PLXNC1: variants seen among roughly 807,000 people sequenced by gnomAD.
PLXNC1 encodes the protein plexin C1.
PLXNC1 carries 75 observed loss-of-function variants against 178.2 expected under a neutral mutation model. The ratio of observed to expected loss-of-function variants is 0.42; its 90% confidence interval spans 0.35 to 0.51. PLXNC1 has a LOEUF of 0.51. Ranked by LOEUF, PLXNC1 falls within the 20% of genes least tolerant of loss-of-function variation. The pLI is 0.02. For missense variants in PLXNC1, 1,503 were observed against 1,984.4 expected (o/e 0.76, Z 4.61); for synonymous variants, 790 against 779.9 (o/e 1.01, Z -0.22).
intron 23 of PLXNC1, among the ~76,000 whole-genome samples, chr12:94,293,400 T>C (rs1967564856): frequency 6.6e-6 from 1 of 152,224 alleles, no homozygotes; most frequent in South Asian, 2.1e-4. Context: ...CATTTCTTAA[T>C]AGAGTAGTGT....
chr12:94,192,989 C>A (rs746881338), intron 4 of PLXNC1, among the ~76,000 whole-genome samples: 1 of 152,164 alleles, frequency 6.6e-6, no homozygotes, highest in African/African-American at 2.4e-5. Flanking sequence ...AATTATCTAA[C>A]CCAAACTTAA....
intron 2 of PLXNC1, among the ~76,000 whole-genome samples, chr12:94,177,036 T>C (rs1962073730): frequency 6.7e-6 from 1 of 149,234 alleles, no homozygotes; most frequent in Admixed American, 6.7e-5. Context: ...ACAATGAATA[T>C]ATGTCATTTC....
rs1264223143 is a variant in PLXNC1 at position 94,305,570 on chromosome 12, T to C, written c.*285T>C. On this transcript the variant is annotated 3_prime_UTR_variant, in exon 31 of 31. Transcript: ENST00000258526. ...CAAGGCCAGTAAGCGAATGTCAGTATTGTAACTACAGTCTCCACTTAAGCA... is the reference window on the plus strand; with the variant it reads ...CAAGGCCAGTAAGCGAATGTCAGTACTGTAACTACAGTCTCCACTTAAGCA... The C allele has an allele frequency of 3.0e-6, 1 of 336,542 alleles. No individual in the cohort carries two copies. The highest frequency in any genetic ancestry group is 2.1e-5 in the African/African-American group (1 of 47,742). 20.8% of individuals were successfully genotyped at this position (336,542 alleles called of 1,614,324 possible).
At chr12:94,251,924 C>G (rs561136713) in intron 15 of PLXNC1, among the ~76,000 whole-genome samples, 1 of 150,972 alleles carries the variant, frequency 6.6e-6, no homozygotes, top group Non-Finnish European at 1.5e-5. Context: ...ACCCGGGAGG[C>G]GGAGGTTGCA....
At chr12:94,171,483 A>C (rs1961842868) in intron 2 of PLXNC1, among the ~76,000 whole-genome samples, 1 of 152,086 alleles carries the variant, frequency 6.6e-6, no homozygotes, top group Non-Finnish European at 1.5e-5. Context: ...CATTTTACAG[A>C]TGAGGGAATC....
At chr12:94,151,313 G>A in intron 1 of PLXNC1, among the ~76,000 whole-genome samples, 1 of 151,994 alleles carries the variant, frequency 6.6e-6, no homozygotes, top group East Asian at 1.9e-4. Flanking sequence ...TTAGCCCTAT[G>A]AGCCAGGGAG....
At chr12:94,162,763 A>G (rs568912375) in intron 1 of PLXNC1, among the ~76,000 whole-genome samples, 27 of 152,300 alleles carry the variant, frequency 1.8e-4, no homozygotes, top group African/African-American at 6.3e-4. Flanking sequence ...GCTGTTGACC[A>G]TGATGGGTAG....
At chr12:94,271,591 G>A (rs1036433972) in intron 21 of PLXNC1, among the ~76,000 whole-genome samples, 6 of 152,168 alleles carry the variant, frequency 3.9e-5, no homozygotes, top group African/African-American at 1.4e-4. Context: ...ACTTTACTCT[G>A]GGCAAGTCTC....
chr12:94,243,261 G>A (rs543548269), intron 11 of PLXNC1, among the ~76,000 whole-genome samples: 23 of 152,360 alleles, frequency 1.5e-4, no homozygotes, highest in South Asian at 1.4e-3. Context: ...TTGTCCCCTA[G>A]AATGAGTGTC....
rs35718233 is a variant in PLXNC1, at chr12:94,256,844, C to CAA, written c.3087+1567_3087+1568dup. Among the ~76,000 whole-genome samples the CAA allele has an allele frequency of 4.9e-3, 546 of 110,904 alleles. 4 individuals carry two copies. The highest frequency in any genetic ancestry group is 0.012 in the Admixed American group (129 of 10,544). The allele number at this position is 110,904 out of a possible 152,430, so 72.8% of individuals were successfully genotyped here. On this transcript the variant is annotated intron_variant, in intron 17 of 30. Coordinates refer to ENST00000258526, the MANE Select transcript of PLXNC1 (RefSeq NM_005761.3). ...AACACTGTTGCAAGTTGAGTGTTTCCAAAAAAAAAAAAAAAAAAAAGATCC... is the reference window on the plus strand; with the variant it reads ...AACACTGTTGCAAGTTGAGTGTTTCCAAAAAAAAAAAAAAAAAAAAAAGATCC...
chr12:94,198,405 T>C (rs1234926721), intron 4 of PLXNC1, among the ~76,000 whole-genome samples: 1 of 152,066 alleles, frequency 6.6e-6, no homozygotes, highest in Admixed American at 6.6e-5. Context: ...AATACCTAGT[T>C]GATGAGTTGA....
chr12:94,197,471 C>T (rs910952825), intron 4 of PLXNC1, among the ~76,000 whole-genome samples: 3 of 143,212 alleles, frequency 2.1e-5, no homozygotes, highest in Admixed American at 7.0e-5. Context: ...GTCTCTCTCT[C>T]CCTCGTGCTT....
intron 17 of PLXNC1, among the ~76,000 whole-genome samples, chr12:94,257,815 G>A (rs536752247): frequency 2.9e-4 from 44 of 152,258 alleles, no homozygotes; most frequent in Admixed American, 6.5e-4. Context: ...GCTGAGGCAG[G>A]AGAATGGTGT....
chr12:94,275,722 G>T lies in PLXNC1; in HGVS notation c.3598-3750G>T, dbSNP rs541619644. ...TACAAAAAATTAGCCGGGCGTAGTG[G>T]CGGGCGCCTGTAGTCCCAGCTACTT... On this transcript the variant is annotated intron_variant, in intron 21 of 30. Coordinates refer to ENST00000258526, the MANE Select transcript of PLXNC1 (RefSeq NM_005761.3). Among the ~76,000 whole-genome samples the T allele has an allele frequency of 1.7e-4, 22 of 129,322 alleles. 3 individuals carry two copies. The South Asian group carries it at 5.2e-3, about 31-fold the overall frequency. 84.8% of individuals were successfully genotyped at this position (129,322 alleles called of 152,430 possible). A position where few individuals can be genotyped will look rare whatever the true frequency, so the allele number is the denominator to read the frequency against.
chr12:94,238,777 C>G (rs767989725), intron 10 of PLXNC1, among the ~76,000 whole-genome samples: 48 of 152,154 alleles, frequency 3.2e-4, no homozygotes, highest in Non-Finnish European at 5.9e-4. Flanking sequence ...ACATCACTGC[C>G]ATGCCCTTCC....
In PLXNC1 at chr12:94,225,880, G is replaced by C. The variant is rs146354345; in HGVS notation, c.1791-725G>C. Among the ~76,000 whole-genome samples the C allele has an allele frequency of 7.9e-5, 12 of 152,348 alleles. No homozygotes were observed. The East Asian group carries it at 2.3e-3, about 29-fold the overall frequency. ...TTCCACGGAAACTGCAGTTTCTGTA[G>C]ATCAGAATCTCAGAATGTTTCCTCA... On this transcript the variant is annotated intron_variant, in intron 7 of 30. Transcript: ENST00000258526.
At chr12:94,196,985 A>T (rs1962939565) in intron 4 of PLXNC1, among the ~76,000 whole-genome samples, 1 of 152,182 alleles carries the variant, frequency 6.6e-6, no homozygotes, top group Non-Finnish European at 1.5e-5. Context: ...AGTGGGTTTC[A>T]CTGGGCTGAA....
chr12:94,172,646 A>T (rs1961889421), intron 2 of PLXNC1, among the ~76,000 whole-genome samples: 1 of 152,144 alleles, frequency 6.6e-6, no homozygotes, highest in Non-Finnish European at 1.5e-5. Context: ...CCTTTTCTTC[A>T]GTTAGTGAGG....
intron 11 of PLXNC1, among the ~76,000 whole-genome samples, chr12:94,242,275 C>T (rs932553459): frequency 6.7e-6 from 1 of 149,590 alleles, no homozygotes; most frequent in African/African-American, 2.5e-5. Flanking sequence ...GTGGTCTTCC[C>T]TCTGTATCTC....
Sources: allele counts gnomAD v4.1 joint callset (sites outside exome capture counted in the v4.1 genomes callset), GRCh38; gene constraint gnomAD v4.1.1; transcripts MANE v1.5; gene names NCBI Gene and HGNC (gene_info 2026-07-23, HGNC 2026-07-21).